Variants in FIRRM observed in about 807,000 individuals in gnomAD.
The protein encoded by FIRRM is FIGNL1-interacting regulator of recombination and mitosis.
chr1:169,818,009 A>G, the FIRRM span, among the ~76,000 whole-genome samples: 1 of 152,102 alleles, frequency 6.6e-6, no homozygotes, highest in East Asian at 1.9e-4. Flanking sequence ...TCAAACCTTC[A>G]GCGTTATCCT....
the FIRRM span, among the ~76,000 whole-genome samples, chr1:169,833,846 C>CTTTTTT: frequency 4.2e-5 from 4 of 96,052 alleles, no homozygotes; most frequent in Non-Finnish European, 1.9e-5. Flanking sequence ...AGTCACTTTC[C>CTTTTTT]TTTTTTTTTT....
the FIRRM span, among the ~76,000 whole-genome samples, chr1:169,831,760 G>A: frequency 3.8e-4 from 58 of 152,050 alleles, no homozygotes; most frequent in Non-Finnish European, 1.2e-4. Context: ...TGTTAGTGGT[G>A]GTTTTTTTCT....
the FIRRM span, among the ~76,000 whole-genome samples, chr1:169,817,403 T>G: frequency 1.1e-4 from 17 of 152,214 alleles, no homozygotes; most frequent in Non-Finnish European, 1.8e-4. Flanking sequence ...CATAATTGAC[T>G]GGGGATTTTG....
At chr1:169,784,161 G>A in the FIRRM span, among the ~76,000 whole-genome samples, 2 of 152,272 alleles carry the variant, frequency 1.3e-5, no homozygotes, top group East Asian at 3.9e-4. Context: ...GCAAACTGGG[G>A]TGTGGGTTAT....
the FIRRM span, among the ~76,000 whole-genome samples, chr1:169,819,385 T>C: frequency 6.6e-6 from 1 of 152,202 alleles, no homozygotes; most frequent in Admixed American, 6.5e-5. Context: ...TGCCATTAGT[T>C]ATCCCCAAAA....
the FIRRM span, among the ~76,000 whole-genome samples, chr1:169,845,794 C>A: frequency 6.6e-6 from 1 of 152,190 alleles, no homozygotes; most frequent in Admixed American, 6.5e-5. Flanking sequence ...CCACGGTAGG[C>A]TTGAACCCCC....
the FIRRM span, among the ~76,000 whole-genome samples, chr1:169,825,349 G>T: frequency 9.9e-5 from 15 of 152,108 alleles, no homozygotes; most frequent in South Asian, 3.1e-3. Flanking sequence ...TTACAGCATT[G>T]AATTAACCTC....
the FIRRM span, chr1:169,842,602 T>A: frequency 6.4e-7 from 1 of 1,574,230 alleles, no homozygotes; most frequent in Non-Finnish European, 8.6e-7. Context: ...AAGAGGATTG[T>A]ACTGAAATTT....
the FIRRM span, chr1:169,795,038 G>C: frequency 7.8e-7 from 1 of 1,288,362 alleles, no homozygotes; most frequent in African/African-American, 1.5e-5. Flanking sequence ...AGGGTTGGCG[G>C]GACTGCGAGT....
At chr1:169,847,681 C>A in the FIRRM span, 4 of 1,589,796 alleles carry the variant, frequency 2.5e-6, no homozygotes, top group South Asian at 1.1e-5. Context: ...TTGGTCTTCA[C>A]CTCTGTAGGC....
At chr1:169,798,799 A>G in the FIRRM span, 21 of 496,628 alleles carry the variant, frequency 4.2e-5, no homozygotes, top group Non-Finnish European at 5.6e-5. Context: ...TTTGAGTCCA[A>G]TTCCAATCTC....
the FIRRM span, among the ~76,000 whole-genome samples, chr1:169,791,257 A>G: frequency 2.7e-4 from 41 of 152,210 alleles, no homozygotes; most frequent in Non-Finnish European, 2.8e-4. Flanking sequence ...CTGTATGTGT[A>G]TCTGATGAGA....
chr1:169,846,933 T>G, the FIRRM span, among the ~76,000 whole-genome samples: 1 of 152,184 alleles, frequency 6.6e-6, no homozygotes, highest in South Asian at 2.1e-4. Flanking sequence ...TCTTTAGCTT[T>G]TGATTTAAAG....
the FIRRM span, among the ~76,000 whole-genome samples, chr1:169,820,195 A>C: frequency 6.6e-6 from 1 of 152,212 alleles, no homozygotes; most frequent in South Asian, 2.1e-4. Flanking sequence ...AGAAAGGGAA[A>C]GGAGAGAATG....
At chr1:169,794,834 G>A in the FIRRM span, 12 of 449,796 alleles carry the variant, frequency 2.7e-5, no homozygotes, top group South Asian at 1.1e-4. Flanking sequence ...CTTGCTTCCC[G>A]ACGTGTCCTG....
the FIRRM span, among the ~76,000 whole-genome samples, chr1:169,847,111 A>G: frequency 6.6e-6 from 1 of 152,118 alleles, no homozygotes; most frequent in Non-Finnish European, 1.5e-5. Context: ...TTGCCATCTT[A>G]TAGGGGCACA....
chr1:169,794,037 G>A, the FIRRM span: 2 of 192,274 alleles, frequency 1.0e-5, no homozygotes, highest in East Asian at 2.7e-4. Context: ...AAAGTTGTGG[G>A]GAAGAGAGAG....
chr1:169,832,518 T>G, the FIRRM span: 2 of 1,593,704 alleles, frequency 1.3e-6, no homozygotes, highest in Non-Finnish European at 1.7e-6. Context: ...CAAGGAAGGA[T>G]ATCATCTTTG....
chr1:169,811,395 G>A, the FIRRM span, among the ~76,000 whole-genome samples: 1 of 152,144 alleles, frequency 6.6e-6, no homozygotes, highest in African/African-American at 2.4e-5. Flanking sequence ...GAATGTGCCT[G>A]TAATCTCAGC....
Sources: gnomAD v4.1 joint callset for allele counts (sites outside exome capture counted in the v4.1 genomes callset) on GRCh38, gnomAD v4.1.1 for gene constraint, MANE v1.5 for transcripts, NCBI Gene and HGNC (gene_info 2026-07-23, HGNC 2026-07-21) for gene names.